The following OTOG variants were observed in gnomAD, a reference collection of about 807,000 sequenced individuals.
OTOG encodes otogelin.
Under a neutral mutation model 313.8 loss-of-function variants are expected in OTOG, and 296 were observed. The observed-to-expected ratio is 0.94, with a 90% CI of 0.86 to 1.04. The LOEUF is 1.04. Ranked by LOEUF, OTOG falls within the 50% of genes least tolerant of loss-of-function variation. OTOG has a pLI of 0.00. For synonymous variants in OTOG, 1,533 were observed against 1,554.9 expected (o/e 0.99, Z 0.33); for missense variants, 3,948 against 3,840.1 (o/e 1.03, Z -0.74).
chr11:17,632,921 G>T (rs181714378), intron 42 of OTOG, among the ~76,000 whole-genome samples: 1 of 152,108 alleles, frequency 6.6e-6, no homozygotes, highest in African/African-American at 2.4e-5. Flanking sequence ...CAACTCAGCG[G>T]GTATGAAATC....
At chr11:17,551,964 G>A in intron 3 of OTOG, 36 bp from the exon 4 acceptor site, 1 of 1,541,504 alleles carries the variant, frequency 6.5e-7, no homozygotes, top group South Asian at 1.2e-5. Context: ...CCTGAGGTCA[G>A]CCCTCGATGT....
chr11:17,547,300 C>T lies in OTOG; in HGVS notation c.-73C>T. 1 of 1,241,922 alleles carries T rather than the reference C, an allele frequency of 8.1e-7. No individual in the cohort carries two copies. Among genetic ancestry groups the T allele is most frequent in the Non-Finnish European group, 1.0e-6 (1 of 977,382 alleles). 76.9% of individuals were successfully genotyped at this position (1,241,922 alleles called of 1,614,324 possible). On this transcript the variant is annotated 5_prime_UTR_variant, in exon 1 of 56. Coordinates refer to ENST00000399397, the MANE Select transcript of OTOG (RefSeq NM_001292063.2). The stretch of plus-strand genomic sequence containing the variant: ...CCTCGGCTGCGGAGTGGAGGTGTGA[C>T]CCTGCCTTAGCCCGGGGAGGCACCT...
chr11:17,604,830 T>C (rs1478774349), intron 32 of OTOG, among the ~76,000 whole-genome samples: 9 of 152,228 alleles, frequency 5.9e-5, no homozygotes, highest in Admixed American at 5.9e-4. Flanking sequence ...CCAGCTTGCT[T>C]AGCACAGTGC....
rs1188394964 is a variant in OTOG at position 17,596,091 on chromosome 11, A to G, written c.3462A>G (p.Glu1154=). The G allele has an allele frequency of 6.4e-7, 1 of 1,550,690 alleles. No homozygotes were observed. Among genetic ancestry groups the G allele is most frequent in the African/African-American group, 1.4e-5 (1 of 73,044 alleles). The change falls in exon 29 of 56, where the codon GAA becomes GAG. Residue 1154 remains glutamate (E), a synonymous_variant. Coordinates refer to ENST00000399397, the MANE Select transcript of OTOG (RefSeq NM_001292063.2). ...TGTGTGTCCTGAATCCTCTCCGAGA[A>G]CCATTTGCCAAGAAGGAGTGCAGCA... ...RDMCVLNPLR[E]PFAKKECSIL...
chr11:17,640,912 G>GT lies in OTOG; in HGVS notation c.8012dup (p.Lys2672GlufsTer54), dbSNP rs780209561. The stretch of plus-strand genomic sequence containing the variant: ...TGTTGCCGCCCTGCATGCCCATCCA[G>GT]TGAAGGCCCCGGTGTGTCTGAGCCG... On this transcript the variant is annotated frameshift_variant and splice_region_variant. Transcript: ENST00000399397. LOFTEE classifies it high-confidence loss of function. 2.6e-6 allele frequency: 4 copies of GT among 1,548,528 alleles called. No individual in the cohort carries two copies. The highest frequency in any genetic ancestry group is 3.5e-6 in the Non-Finnish European group (4 of 1,146,860).
chr11:17,576,593 C>T lies in OTOG; in HGVS notation c.2524C>T (p.Pro842Ser). Residue 842 changes from proline (P) to serine (S), a missense_variant, in exon 21 of 56, where the codon CCC (proline) becomes TCC (serine). By Grantham distance (74) the Pro-to-Ser change is moderately conservative (BLOSUM62 -1). Transcript: ENST00000399397. ...CSCHFQGVDYPPGDSDIPSLG... is the reference protein window; with the variant it reads ...CSCHFQGVDYSPGDSDIPSLG... ...CTGCCACTTCCAGGGAGTGGACTAT[C>T]CCCCCGGAGACAGTGACATCCCATC... is the stretch of plus-strand genomic sequence containing the variant. 1 of 1,550,224 alleles carries T rather than the reference C, an allele frequency of 6.5e-7. No individual in the cohort carries two copies. Among genetic ancestry groups the T allele is most frequent in the South Asian group, 1.2e-5 (1 of 84,042 alleles).
Position 17,612,167 on chromosome 11 carries a change from C to T in OTOG, c.6129C>T (p.Ile2043=), listed in dbSNP as rs552134946. ...TTCCTCCACTCTGTACCCAGCCAAT[C>T]GCCGAGCAGGACTGCGTCCGCCACA... ...EANTSTTCVP[I]AEQDCVRHIC... The change falls in exon 37 of 56, where the codon ATC becomes ATT. Residue 2043 remains isoleucine (I), a synonymous_variant. Coordinates refer to ENST00000399397, the MANE Select transcript of OTOG (RefSeq NM_001292063.2). 15 of 1,549,294 alleles carry T rather than the reference C, an allele frequency of 9.7e-6. No homozygotes were observed. Among genetic ancestry groups the T allele is most frequent in the African/African-American group, 1.4e-5 (1 of 73,030 alleles).
chr11:17,639,272 A>G (rs1173740032), intron 48 of OTOG, 151 bp from the exon 49 acceptor site: 2 of 739,504 alleles, frequency 2.7e-6, no homozygotes, highest in Non-Finnish European at 4.6e-6. Context: ...GGAGGCTGAG[A>G]TTTGGGCCTC....
At chr11:17,558,943 T>C in intron 10 of OTOG, 109 bp from the exon 11 acceptor site, 1 of 906,014 alleles carries the variant, frequency 1.1e-6, no homozygotes, top group Non-Finnish European at 1.8e-6. Context: ...CTTTCCCAGC[T>C]GGGTGGAGAG....
chr11:17,588,208 A>T (rs1353178057), intron 24 of OTOG, among the ~76,000 whole-genome samples: 2 of 152,184 alleles, frequency 1.3e-5, no homozygotes, highest in Non-Finnish European at 2.9e-5. Context: ...TTTTTAACTC[A>T]GTTGTAAAAA....
intron 40 of OTOG, 109 bp from the exon 41 acceptor site, chr11:17,631,593 A>G (rs1170731352): frequency 6.9e-6 from 6 of 872,864 alleles, no homozygotes; most frequent in Non-Finnish European, 1.1e-5. Context: ...AAATGGGGAT[A>G]ATGGTATTAT....
intron 39 of OTOG, among the ~76,000 whole-genome samples, chr11:17,617,186 C>T (rs1238863323): frequency 6.6e-6 from 1 of 152,020 alleles, no homozygotes; most frequent in East Asian, 1.9e-4. Flanking sequence ...CCAGTCTTGC[C>T]TTCCTGGAAT....
In OTOG at chr11:17,609,242, G is replaced by A. The variant is rs2134088024; in HGVS notation, c.4354+33G>A. ...GCCCAGACTTCTCATCCTTCCCTCA[G>A]ATTTCCTCTAAGTCCCTAGGGTCTC... On this transcript the variant is annotated intron_variant, in intron 35 of 55. Coordinates refer to ENST00000399397, the MANE Select transcript of OTOG (RefSeq NM_001292063.2). 7.8e-6 allele frequency: 12 copies of A among 1,534,506 alleles called. No individual in the cohort carries two copies. The East Asian group carries it at 2.7e-4, about 34-fold the overall frequency.
chr11:17,639,474 G>A lies in OTOG; in HGVS notation c.7935+11G>A, dbSNP rs188456860. ...CCCCGGTGCCATCTGGTATGGAGAC[G>A]CTCCTCCCCCAACACTCCCTGGTCT... On this transcript the variant is annotated intron_variant, in intron 49 of 55. Transcript: ENST00000399397. The A allele has an allele frequency of 1.9e-3, 2,998 of 1,550,432 alleles. 59 individuals carry two copies. The South Asian group carries it at 0.026, about 14-fold the overall frequency.
chr11:17,605,786 T>C, intron 32 of OTOG, 71 bp from the exon 33 acceptor site: 1 of 1,455,486 alleles, frequency 6.9e-7, no homozygotes, highest in Non-Finnish European at 9.2e-7. Flanking sequence ...AGCAGATGTG[T>C]GCCAGGATGC....
At chr11:17,553,728 A>G (rs1300068813) in intron 6 of OTOG, among the ~76,000 whole-genome samples, 2 of 152,196 alleles carry the variant, frequency 1.3e-5, no homozygotes, top group Non-Finnish European at 2.9e-5. Flanking sequence ...TCATTTATTG[A>G]GCCACTCATT....
At chr11:17,560,594 G>A in intron 12 of OTOG, 115 bp from the exon 13 acceptor site, 1 of 753,130 alleles carries the variant, frequency 1.3e-6, no homozygotes, top group South Asian at 1.7e-5. Flanking sequence ...TTGGAAGTCG[G>A]TTCAGAGATG....
rs1852174741 is a variant in OTOG, at chr11:17,561,191, T to A, written c.1498+54T>A. The A allele has an allele frequency of 2.6e-6, 4 of 1,543,702 alleles. No individual in the cohort carries two copies. The African/African-American group carries it at 4.1e-5, about 16-fold the overall frequency. ...ATCCCTTCTACCAGTCTGATAGGTT[T>A]TGGGGCAAGGAATCTCTGGGGGCCA... On this transcript the variant is annotated intron_variant, in intron 14 of 55. Coordinates refer to ENST00000399397, the MANE Select transcript of OTOG (RefSeq NM_001292063.2).
chr11:17,601,659 C>G lies in OTOG; in HGVS notation c.3710-551C>G, dbSNP rs1853254773. On this transcript the variant is annotated intron_variant, in intron 31 of 55. Coordinates refer to ENST00000399397, the MANE Select transcript of OTOG (RefSeq NM_001292063.2). ...GAGGCATTGGGGTGGGGGGTGGGCA[C>G]AGCAGAGGCAGGAAGATCCTTACAA... 1.3e-5 allele frequency among the ~76,000 whole-genome samples: 2 copies of G among 151,828 alleles called. 1 individual carries two copies. Among genetic ancestry groups the G allele is most frequent in the South Asian group, 4.2e-4 (2 of 4,794 alleles).
Sources: allele counts gnomAD v4.1 joint callset (sites outside exome capture counted in the v4.1 genomes callset), GRCh38; gene constraint gnomAD v4.1.1; transcripts MANE v1.5; gene names NCBI Gene and HGNC (gene_info 2026-07-23, HGNC 2026-07-21).